The following DCC variants were observed in gnomAD, a reference collection of about 807,000 sequenced individuals.
The protein encoded by DCC is DCC netrin 1 receptor.
Under a neutral mutation model 172.5 loss-of-function variants are expected in DCC, and 58 were observed. The observed-to-expected ratio is 0.34, with a 90% confidence interval of 0.27 to 0.42. DCC has a LOEUF of 0.42. Among genes scored for constraint, DCC ranks in the 10% least tolerant of loss-of-function variants. The pLI, the probability that DCC is intolerant of heterozygous loss-of-function variation, is 1.00. For synonymous variants in DCC, 709 were observed against 644.5 expected (o/e 1.10, Z -1.52); for missense variants, 1,740 against 1,791.0 (o/e 0.97, Z 0.51).
At chr18:52,422,253 C>G (rs1196251033) in intron 1 of DCC, among the ~76,000 whole-genome samples, 2 of 152,152 alleles carry the variant, frequency 1.3e-5, no homozygotes, top group African/African-American at 4.8e-5. Context: ...ATTGGCAAAT[C>G]TTAGAGAACA....
At chr18:53,049,722 C>A (rs1005038326) in intron 5 of DCC, among the ~76,000 whole-genome samples, 3 of 151,442 alleles carry the variant, frequency 2.0e-5, no homozygotes, top group African/African-American at 7.3e-5. Flanking sequence ...TTTTCTAAGT[C>A]TGTGAAAAAT....
chr18:52,507,122 C>A (rs2031258680), intron 1 of DCC, among the ~76,000 whole-genome samples: 1 of 152,050 alleles, frequency 6.6e-6, no homozygotes. Flanking sequence ...AGATGCTAAT[C>A]CTTTATAGCC....
At chr18:52,376,415 G>T (rs1184640589) in intron 1 of DCC, among the ~76,000 whole-genome samples, 1 of 152,002 alleles carries the variant, frequency 6.6e-6, no homozygotes, top group Non-Finnish European at 1.5e-5. Flanking sequence ...TGTCTCTGAA[G>T]ATTTCTGTTG....
At chr18:53,227,756 A>C (rs2056056981) in intron 12 of DCC, among the ~76,000 whole-genome samples, 1 of 152,186 alleles carries the variant, frequency 6.6e-6, no homozygotes, top group African/African-American at 2.4e-5. Flanking sequence ...AACAGTAAGA[A>C]ATTTCACTTT....
At chr18:52,789,120 G>A (rs1568104365) in intron 2 of DCC, among the ~76,000 whole-genome samples, 5 of 152,086 alleles carry the variant, frequency 3.3e-5, no homozygotes. Context: ...CCACACTAAA[G>A]CTCTATCATG....
At chr18:53,043,412 T>C (rs1043769329) in intron 5 of DCC, among the ~76,000 whole-genome samples, 5 of 152,056 alleles carry the variant, frequency 3.3e-5, no homozygotes, top group South Asian at 2.1e-4. Context: ...TGTATACCTA[T>C]GTAACAAACC....
At chr18:52,937,882 T>A (rs140539377) in intron 5 of DCC, among the ~76,000 whole-genome samples, 162 of 152,206 alleles carry the variant, frequency 1.1e-3, no homozygotes, top group African/African-American at 3.8e-3. Flanking sequence ...GAGGGTGTTA[T>A]TGGGTAAGCG....
intron 5 of DCC, among the ~76,000 whole-genome samples, chr18:52,929,428 GT>G (rs888759595): frequency 1.3e-5 from 2 of 152,072 alleles, no homozygotes; most frequent in African/African-American, 4.8e-5. Context: ...TTAAATTTTA[GT>G]TTGGTTAATA....
At chr18:52,569,953 G>T (rs566382809) in intron 1 of DCC, among the ~76,000 whole-genome samples, 2 of 152,046 alleles carry the variant, frequency 1.3e-5, no homozygotes, top group African/African-American at 4.8e-5. Context: ...TCTTAAAGTC[G>T]TAGTTGAATT....
chr18:52,973,382 G>A (rs571535963), intron 5 of DCC, among the ~76,000 whole-genome samples: 10 of 152,072 alleles, frequency 6.6e-5, no homozygotes, highest in Non-Finnish European at 7.4e-5. Flanking sequence ...TAAATAATAC[G>A]ATGCTCATTT....
chr18:52,454,525 A>G (rs1405217895), intron 1 of DCC, among the ~76,000 whole-genome samples: 1 of 152,082 alleles, frequency 6.6e-6, no homozygotes, highest in East Asian at 1.9e-4. Flanking sequence ...AGAAATAATT[A>G]CATTATTAAA....
chr18:52,731,220 T>G (rs1313580893), intron 1 of DCC, among the ~76,000 whole-genome samples: 2 of 152,220 alleles, frequency 1.3e-5, no homozygotes, highest in Admixed American at 1.3e-4. Context: ...TAATGTTTCA[T>G]TATGTTAATA....
intron 1 of DCC, among the ~76,000 whole-genome samples, chr18:52,476,809 T>C (rs1989107924): frequency 6.6e-6 from 1 of 152,176 alleles, no homozygotes; most frequent in Non-Finnish European, 1.5e-5. Context: ...GAGGCACATA[T>C]TACCTCTGAC....
At position 52,454,164 on chromosome 18, in the gene DCC, A is replaced by AT. The variant is rs34999528; in HGVS notation, c.91+113292dup. Among the ~76,000 whole-genome samples the AT allele has an allele frequency of 5.9e-5, 9 of 152,260 alleles. No individual in the cohort carries two copies. The South Asian group carries it at 6.2e-4, about 11-fold the overall frequency. On this transcript the variant is annotated intron_variant, in intron 1 of 28. Coordinates refer to ENST00000442544, the MANE Select transcript of DCC (RefSeq NM_005215.4). ...AATATATATCTACACCAGGGAAGAC[A>AT]TTTTTTGCTATAATTTTTTTACATA... is the stretch of plus-strand genomic sequence containing the variant.
chr18:53,346,174 G>A (rs766293792), intron 15 of DCC, among the ~76,000 whole-genome samples: 13 of 151,884 alleles, frequency 8.6e-5, no homozygotes, highest in Non-Finnish European at 1.9e-4. Context: ...TTGTTAACCT[G>A]TAGTAATATA....
At chr18:52,817,130 A>T (rs1276920917) in intron 2 of DCC, among the ~76,000 whole-genome samples, 3 of 152,232 alleles carry the variant, frequency 2.0e-5, no homozygotes, top group Non-Finnish European at 4.4e-5. Context: ...TTAAGATAAT[A>T]AAGAATAAAC....
intron 5 of DCC, among the ~76,000 whole-genome samples, chr18:52,979,095 A>G (rs1035374750): frequency 1.3e-5 from 2 of 152,228 alleles, no homozygotes; most frequent in African/African-American, 4.8e-5. Context: ...AAGGAAGGGT[A>G]CACAATAAGG....
At chr18:53,108,820 G>A (rs1439528651) in intron 7 of DCC, among the ~76,000 whole-genome samples, 1 of 151,410 alleles carries the variant, frequency 6.6e-6, no homozygotes, top group Non-Finnish European at 1.5e-5. Context: ...ATTTACTTAT[G>A]CGTTCTACCA....
intron 2 of DCC, among the ~76,000 whole-genome samples, chr18:52,832,185 G>T (rs1421490052): frequency 1.3e-5 from 2 of 152,138 alleles, no homozygotes; most frequent in Admixed American, 1.3e-4. Flanking sequence ...CAGCCACTTG[G>T]TAGTGACTGA....
Sources: gnomAD v4.1 joint callset for allele counts (sites outside exome capture counted in the v4.1 genomes callset) on GRCh38, gnomAD v4.1.1 for gene constraint, MANE v1.5 for transcripts, NCBI Gene and HGNC (gene_info 2026-07-23, HGNC 2026-07-21) for gene names.